Variants in KMT2A observed in about 807,000 individuals in gnomAD.
KMT2A encodes lysine methyltransferase 2A, also known as histone-lysine N-methyltransferase 2A.
In KMT2A, 16 loss-of-function variants were observed where a neutral mutation model predicts 345.3. That is an observed-to-expected ratio of 0.05 (90% CI 0.03 to 0.07). The LOEUF (loss-of-function observed/expected upper bound fraction) is 0.07. Among genes scored for constraint, KMT2A ranks in the 10% least tolerant of loss-of-function variants. The pLI, the probability that KMT2A is intolerant of heterozygous loss-of-function variation, is 1.00. For missense variants in KMT2A, 3,272 were observed against 4,841.6 expected (o/e 0.68, Z 9.62); for synonymous variants, 1,599 against 1,778.6 (o/e 0.90, Z 2.54).
chr11:118,453,366 G>T (rs1206939396), intron 1 of KMT2A, among the ~76,000 whole-genome samples: 1 of 151,742 alleles, frequency 6.6e-6, no homozygotes, highest in East Asian at 1.9e-4. Flanking sequence ...AAACCCTTTG[G>T]CAGCCTTTGA....
chr11:118,445,969 A>C (rs540202663), intron 1 of KMT2A, among the ~76,000 whole-genome samples: 11 of 151,980 alleles, frequency 7.2e-5, no homozygotes, highest in Non-Finnish European at 1.5e-4. Context: ...CCGCCACTAC[A>C]CTCCAGCCTG....
At chr11:118,512,401 C>T (rs923210312) in intron 31 of KMT2A, 19 of 208,978 alleles carry the variant, frequency 9.1e-5, no homozygotes, top group Middle Eastern at 1.7e-3. Context: ...CTTTTGTGAC[C>T]GTCTTCTTTC....
At chr11:118,454,996 AC>A (rs144994538) in intron 1 of KMT2A, among the ~76,000 whole-genome samples, 1 of 150,598 alleles carries the variant, frequency 6.6e-6, no homozygotes, top group African/African-American at 2.4e-5. Flanking sequence ...ACACCTCTCC[AC>A]CCCCCACTCC....
At chr11:118,445,994 ACT>A (rs1183633655) in intron 1 of KMT2A, among the ~76,000 whole-genome samples, 1 of 151,858 alleles carries the variant, frequency 6.6e-6, no homozygotes. Flanking sequence ...AAAGAGCAAG[ACT>A]CTGTCTCCAA....
Position 118,498,541 on chromosome 11 carries a change from T to G in KMT2A, c.5961+13T>G. On this transcript the variant is annotated intron_variant, in intron 22 of 35. Coordinates refer to ENST00000534358, the MANE Select transcript of KMT2A (RefSeq NM_001197104.2). The surrounding 1 kb of genome is among the most constrained non-coding windows in gnomAD (Gnocchi z 4.4). The stretch of plus-strand genomic sequence containing the variant: ...GATCAAAGGCGAAGTGAGAGAGCTT[T>G]AGTTGCTTTAAAAAAAAAAAAAAAG... The G allele has an allele frequency of 6.4e-7, 1 of 1,568,116 alleles. No homozygotes were observed. The highest frequency in any genetic ancestry group is 8.6e-7 in the Non-Finnish European group (1 of 1,166,270).
At chr11:118,450,421 T>G (rs1217646012) in intron 1 of KMT2A, 1 of 152,266 alleles carries the variant, frequency 6.6e-6, no homozygotes, top group Non-Finnish European at 1.5e-5. Flanking sequence ...GCATCTTTGC[T>G]GCTTATTCTT....
intron 1 of KMT2A, among the ~76,000 whole-genome samples, chr11:118,457,590 A>G (rs1410233863): frequency 6.6e-6 from 1 of 150,816 alleles, no homozygotes; most frequent in Non-Finnish European, 1.5e-5. Flanking sequence ...TCCCTTCAAT[A>G]TCTTTTGCCC....
At chr11:118,445,373 T>A (rs187509620) in intron 1 of KMT2A, among the ~76,000 whole-genome samples, 2 of 152,322 alleles carry the variant, frequency 1.3e-5, no homozygotes, top group East Asian at 3.9e-4. Context: ...AAGGCAGCTA[T>A]AATGGGGTTG....
intron 1 of KMT2A, chr11:118,449,293 C>T (rs192792879): frequency 6.6e-6 from 1 of 151,190 alleles, no homozygotes; most frequent in Non-Finnish European, 1.5e-5. Flanking sequence ...CACAGTGGCT[C>T]ACAACTGTAA....
At position 118,521,053 on chromosome 11, in the gene KMT2A, G is replaced by A. The variant is rs1395640982; in HGVS notation, c.11513+168G>A. 3.1e-6 allele frequency: 2 copies of A among 654,794 alleles called. No individual in the cohort carries two copies. Among genetic ancestry groups the A allele is most frequent in the Non-Finnish European group, 5.4e-6 (2 of 370,292 alleles). 40.6% of individuals were successfully genotyped at this position (654,794 alleles called of 1,614,324 possible). A position where few individuals can be genotyped will look rare whatever the true frequency, so the allele number is the denominator to read the frequency against. On this transcript the variant is annotated intron_variant, in intron 34 of 35. Coordinates refer to ENST00000534358, the MANE Select transcript of KMT2A (RefSeq NM_001197104.2). The surrounding 1 kb of genome is among the most constrained non-coding windows in gnomAD (Gnocchi z 5.3). Reference sequence around the variant, plus strand: ...CCTGCACCTCCTTGTGTTGAACAAGGACTTTAACATAATAAGCATTAAAAT... The same window carrying A: ...CCTGCACCTCCTTGTGTTGAACAAGAACTTTAACATAATAAGCATTAAAAT...
chr11:118,451,769 G>A (rs1195574024), intron 1 of KMT2A, among the ~76,000 whole-genome samples: 1 of 151,612 alleles, frequency 6.6e-6, no homozygotes, highest in Non-Finnish European at 1.5e-5. Context: ...TGGGATTATA[G>A]GTGCGACCCA....
Position 118,505,303 on chromosome 11 carries a change from A to T in KMT2A, c.9411A>T (p.Gly3137=), listed in dbSNP as rs1950562219. The T allele has an allele frequency of 3.1e-6, 5 of 1,614,228 alleles. No individual in the cohort carries two copies. The highest frequency in any genetic ancestry group is 4.2e-6 in the Non-Finnish European group (5 of 1,180,040). The change falls in exon 27 of 36, where the codon GGA becomes GGT. Residue 3137 remains glycine, a synonymous_variant. Coordinates refer to ENST00000534358, the MANE Select transcript of KMT2A (RefSeq NM_001197104.2). This position sits in a 1 kb window ranked among gnomAD's most constrained non-coding sequence, Gnocchi z 4.6. ...PMGGGLTLTT[G]LNPSLPTSQS... The stretch of plus-strand genomic sequence containing the variant: ...GAGGTGGTCTCACCCTTACCACAGG[A>T]CTAAATCCAAGCTTGCCAACTTCTC...
At chr11:118,439,158 CAAAAAAAAA>C (rs34166714) in intron 1 of KMT2A, 33 of 267,104 alleles carry the variant, frequency 1.2e-4, no homozygotes, top group African/African-American at 4.3e-4. Context: ...GATACAGCAG[CAAAAAAAAA>C]AAAAAAGAAA....
rs532900326 is a variant in KMT2A, at chr11:118,498,984, T to C, written c.5962-319T>C. 3.3e-5 allele frequency among the ~76,000 whole-genome samples: 5 copies of C among 152,354 alleles called. No individual in the cohort carries two copies. The highest frequency in any genetic ancestry group is 2.1e-4 in the South Asian group (1 of 4,832). On this transcript the variant is annotated intron_variant, in intron 22 of 35. Coordinates refer to ENST00000534358, the MANE Select transcript of KMT2A (RefSeq NM_001197104.2). The surrounding 1 kb of genome is among the most constrained non-coding windows in gnomAD (Gnocchi z 4.4). ...CACATAGTTGGAATCATATAGTACA[T>C]AGCCTTTTCAGACTGGCTTCTTCTG... is the stretch of plus-strand genomic sequence containing the variant.
At chr11:118,465,570 CAGTA>C (rs1555033943) in intron 1 of KMT2A, among the ~76,000 whole-genome samples, 1 of 152,102 alleles carries the variant, frequency 6.6e-6, no homozygotes, top group South Asian at 2.1e-4. Flanking sequence ...GGGATAGATA[CAGTA>C]AGTGAGTTGT....
At chr11:118,447,836 G>T in intron 1 of KMT2A, 1 of 253,628 alleles carries the variant, frequency 3.9e-6, no homozygotes, top group Non-Finnish European at 8.1e-6. Flanking sequence ...CAGAATAAGA[G>T]AAAATAGGTT....
chr11:118,488,183 A>G (rs1365022832), intron 10 of KMT2A, among the ~76,000 whole-genome samples: 2 of 152,086 alleles, frequency 1.3e-5, no homozygotes, highest in Non-Finnish European at 2.9e-5. Flanking sequence ...GTCTCAAAAA[A>G]ATAAATAAAT....
chr11:118,448,782 G>T (rs887303558), intron 1 of KMT2A: 4 of 152,226 alleles, frequency 2.6e-5, no homozygotes, highest in African/African-American at 9.6e-5. Context: ...AAATGCCTGG[G>T]GTTCATAGGT....
At chr11:118,468,447 C>T (rs989300138) in intron 1 of KMT2A, among the ~76,000 whole-genome samples, 2 of 152,108 alleles carry the variant, frequency 1.3e-5, no homozygotes, top group African/African-American at 2.4e-5. Context: ...TACTTATTTG[C>T]TTACCTGATT....
Sources: allele counts gnomAD v4.1 joint callset (sites outside exome capture counted in the v4.1 genomes callset), GRCh38; gene constraint gnomAD v4.1.1; non-coding constraint Gnocchi (gnomAD v3.1); transcripts MANE v1.5; gene names NCBI Gene and HGNC (gene_info 2026-07-23, HGNC 2026-07-21).